Variants in LHPP observed in about 807,000 individuals in gnomAD.
LHPP encodes the protein phospholysine phosphohistidine inorganic pyrophosphate phosphatase, also known as hLHPP.
A neutral mutation model predicts 30.3 loss-of-function variants in LHPP; 24 were observed. The observed-to-expected ratio is 0.79, with a 90% CI of 0.57 to 1.11. LHPP has a LOEUF of 1.11. Among genes scored for constraint, LHPP ranks in the 50% most tolerant of loss-of-function variants. The pLI, the probability that LHPP is intolerant of heterozygous loss-of-function variation, is 0.00. For synonymous variants in LHPP, 150 were observed against 157.1 expected (o/e 0.95, Z 0.34); for missense variants, 356 against 367.2 (o/e 0.97, Z 0.25).
intron 6 of LHPP, among the ~76,000 whole-genome samples, chr10:124,519,602 C>T (rs1298861028): frequency 6.6e-6 from 1 of 152,120 alleles, no homozygotes; most frequent in Non-Finnish European, 1.5e-5. Flanking sequence ...CCCACCCTTC[C>T]CGGCAAGCCC....
At chr10:124,539,255 C>T (rs909940055) in intron 6 of LHPP, among the ~76,000 whole-genome samples, 1 of 152,164 alleles carries the variant, frequency 6.6e-6, no homozygotes, top group Non-Finnish European at 1.5e-5. Flanking sequence ...AAGATGAGCA[C>T]AGCTCCGGAG....
At chr10:124,488,710 T>G (rs1953417457) in intron 3 of LHPP, 135 bp downstream of exon 3, 1 of 687,182 alleles carries the variant, frequency 1.5e-6, no homozygotes, top group African/African-American at 1.8e-5. Flanking sequence ...TTTCCCTCCC[T>G]TTTTCATGCT....
In LHPP at chr10:124,586,927, A is replaced by AT. The variant is rs552692411; in HGVS notation, c.717-26328dup. 1.8e-3 allele frequency among the ~76,000 whole-genome samples: 264 copies of AT among 149,922 alleles called. 1 individual carries two copies. The highest frequency in any genetic ancestry group is 3.2e-3 in the Non-Finnish European group (215 of 67,492). On this transcript the variant is annotated intron_variant, in intron 6 of 6. Transcript: ENST00000368842. ...TGTGTGCATAGAAATCATCTCATGG[A>AT]TTTTTTTTTAACTGAGATGAACTTG...
At chr10:124,558,626 G>T (rs1188135734) in intron 6 of LHPP, among the ~76,000 whole-genome samples, 1 of 152,246 alleles carries the variant, frequency 6.6e-6, no homozygotes, top group Non-Finnish European at 1.5e-5. Flanking sequence ...GGGCCAGTGG[G>T]CAGGGGCACT....
intron 6 of LHPP, among the ~76,000 whole-genome samples, chr10:124,589,573 C>G (rs548558087): frequency 6.6e-6 from 1 of 152,204 alleles, no homozygotes; most frequent in Non-Finnish European, 1.5e-5. Context: ...ACTGTTGACA[C>G]GAGAGCAGGG....
chr10:124,505,374 C>T (rs1208352265), intron 5 of LHPP, among the ~76,000 whole-genome samples: 1 of 152,090 alleles, frequency 6.6e-6, no homozygotes, highest in Non-Finnish European at 1.5e-5. Context: ...TAAATTTTTC[C>T]AGCTGCTTTA....
intron 1 of LHPP, among the ~76,000 whole-genome samples, chr10:124,476,059 G>A (rs1459096599): frequency 6.6e-6 from 1 of 152,100 alleles, no homozygotes; most frequent in Non-Finnish European, 1.5e-5. Flanking sequence ...ACTCTAGATG[G>A]GAGTTCTGCC....
intron 6 of LHPP, among the ~76,000 whole-genome samples, chr10:124,578,384 C>T (rs542353132): frequency 5.3e-4 from 81 of 152,314 alleles, no homozygotes; most frequent in African/African-American, 1.9e-3. Flanking sequence ...CTGCGGAGCC[C>T]GATGTGTCAC....
intron 6 of LHPP, among the ~76,000 whole-genome samples, chr10:124,598,998 CCCAT>C (rs71029203): frequency 0.14 from 20,157 of 148,570 alleles, 1,577 homozygotes; most frequent in Non-Finnish European, 0.18. Context: ...TCCATCTCTG[CCCAT>C]CCATCCATCC....
intron 6 of LHPP, among the ~76,000 whole-genome samples, chr10:124,579,593 A>G (rs551139632): frequency 2.0e-4 from 30 of 152,254 alleles, no homozygotes; most frequent in African/African-American, 6.5e-4. Flanking sequence ...CCTTGTGCAA[A>G]TATGGTGCTA....
At chr10:124,494,921 G>A (rs1435219423) in intron 3 of LHPP, among the ~76,000 whole-genome samples, 1 of 152,096 alleles carries the variant, frequency 6.6e-6, no homozygotes, top group Admixed American at 6.5e-5. Context: ...AATGCCAAGG[G>A]GGACCAAGGT....
At chr10:124,469,888 G>A (rs994973818) in intron 1 of LHPP, among the ~76,000 whole-genome samples, 5 of 152,110 alleles carry the variant, frequency 3.3e-5, no homozygotes, top group Non-Finnish European at 7.4e-5. Flanking sequence ...ATCCCATGGC[G>A]AGGGAGCTGG....
rs1226047709 is a variant in LHPP at position 124,590,154 on chromosome 10, C to G, written c.717-23110C>G. Among the ~76,000 whole-genome samples the G allele has an allele frequency of 6.6e-6, 1 of 152,226 alleles. No homozygotes were observed. Among genetic ancestry groups the G allele is most frequent in the African/African-American group, 2.4e-5 (1 of 41,452 alleles). On this transcript the variant is annotated intron_variant, in intron 6 of 6. Coordinates refer to ENST00000368842, the MANE Select transcript of LHPP (RefSeq NM_022126.4). The surrounding 1 kb of genome is among the most constrained non-coding windows in gnomAD (Gnocchi z 4.3). ...CATGTGACGTCCTCCCTCTCCCAAT[C>G]CCTGTCTCTCTCTCTCCTTCCACAG...
At chr10:124,555,836 T>C (rs7092174) in intron 6 of LHPP, among the ~76,000 whole-genome samples, 151,536 of 152,328 alleles carry the variant, frequency 0.99, 75,381 homozygotes, top group East Asian at 1. Flanking sequence ...CTGGGCTCAG[T>C]TCTGCCCCGA....
chr10:124,549,642 T>G (rs944161634), intron 6 of LHPP, among the ~76,000 whole-genome samples: 6 of 152,200 alleles, frequency 3.9e-5, no homozygotes, highest in African/African-American at 1.4e-4. Context: ...GCACAACATC[T>G]GGGGTTGCCA....
chr10:124,502,300 T>C (rs1953926593), intron 5 of LHPP, among the ~76,000 whole-genome samples: 1 of 151,978 alleles, frequency 6.6e-6, no homozygotes, highest in South Asian at 2.1e-4. Flanking sequence ...CTGTGAACTC[T>C]GATCACCTGT....
intron 3 of LHPP, among the ~76,000 whole-genome samples, chr10:124,494,987 C>G (rs1394411544): frequency 6.6e-6 from 1 of 152,164 alleles, no homozygotes; most frequent in East Asian, 1.9e-4. Flanking sequence ...GGTGTCCCCT[C>G]ACTGTTTCCT....
intron 5 of LHPP, among the ~76,000 whole-genome samples, chr10:124,511,052 C>T (rs558939191): frequency 6.6e-6 from 1 of 152,274 alleles, no homozygotes; most frequent in African/African-American, 2.4e-5. Context: ...TTGATAGACT[C>T]GAAAACCTCA....
chr10:124,561,848 C>G (rs1948400466), intron 6 of LHPP, among the ~76,000 whole-genome samples: 1 of 152,096 alleles, frequency 6.6e-6, no homozygotes, highest in South Asian at 2.1e-4. Flanking sequence ...TGCTAAGAAC[C>G]AAGGAAACCC....
Sources: allele counts gnomAD v4.1 joint callset (sites outside exome capture counted in the v4.1 genomes callset), GRCh38; gene constraint gnomAD v4.1.1; non-coding constraint Gnocchi (gnomAD v3.1); transcripts MANE v1.5; gene names NCBI Gene and HGNC (gene_info 2026-07-23, HGNC 2026-07-21).